Variants in ROBO1 observed in about 807,000 individuals in gnomAD.
The protein encoded by ROBO1 is roundabout homolog 1.
Under a neutral mutation model 195.9 loss-of-function variants are expected in ROBO1, and 149 were observed. The observed-to-expected ratio is 0.76, with a 90% CI of 0.67 to 0.87. The LOEUF (loss-of-function observed/expected upper bound fraction) is 0.87, where lower values mean the gene tolerates loss of function less well. ROBO1 is among the 40% of genes least tolerant of loss of function. The pLI is 0.00. For missense variants in ROBO1, 1,933 were observed against 2,068.3 expected, an observed-to-expected ratio of 0.93 and a Z score of 1.27; for synonymous variants, 816 against 733.2, an observed-to-expected ratio of 1.11 and a Z score of -1.82.
At chr3:79,706,119 T>G (rs920273128) in intron 1 of ROBO1, among the ~76,000 whole-genome samples, 2 of 152,080 alleles carry the variant, frequency 1.3e-5, no homozygotes, top group African/African-American at 4.8e-5. Context: ...TATTTTTTCC[T>G]TCCCAATCAG....
intron 4 of ROBO1, among the ~76,000 whole-genome samples, chr3:78,823,188 G>T (rs1348629805): frequency 6.6e-5 from 3 of 45,690 alleles, no homozygotes; most frequent in Admixed American, 3.8e-4. Context: ...GATTTAAAAT[G>T]ATTTTTTTTT....
At chr3:79,678,824 A>T (rs1157668128) in intron 1 of ROBO1, among the ~76,000 whole-genome samples, 1 of 152,072 alleles carries the variant, frequency 6.6e-6, no homozygotes, top group African/African-American at 2.4e-5. Flanking sequence ...GAGGAATCTT[A>T]AAACTGCTGC....
At chr3:79,698,161 A>G (rs1576247148) in intron 1 of ROBO1, among the ~76,000 whole-genome samples, 1 of 151,612 alleles carries the variant, frequency 6.6e-6, no homozygotes, top group South Asian at 2.1e-4. Context: ...GACTTTGAAG[A>G]CTGATGTGGC....
At chr3:79,553,049 ATTC>A (rs1383929173) in intron 2 of ROBO1, among the ~76,000 whole-genome samples, 2 of 152,026 alleles carry the variant, frequency 1.3e-5, no homozygotes, top group African/African-American at 2.4e-5. Context: ...TAGGTGTGAA[ATTC>A]TTCTTTAGGT....
intron 3 of ROBO1, among the ~76,000 whole-genome samples, chr3:79,090,155 G>A (rs1407728437): frequency 6.6e-6 from 1 of 151,894 alleles, no homozygotes; most frequent in Admixed American, 6.6e-5. Flanking sequence ...GGCCAGGCTG[G>A]TCTCGAACTC....
At chr3:78,684,041 A>AC (rs1004258452) in intron 10 of ROBO1, among the ~76,000 whole-genome samples, 1 of 152,094 alleles carries the variant, frequency 6.6e-6, no homozygotes, top group East Asian at 1.9e-4. Context: ...GGAAAACAAA[A>AC]AGAAATTAGT....
intron 3 of ROBO1, among the ~76,000 whole-genome samples, chr3:78,961,130 T>C (rs886330377): frequency 6.6e-6 from 1 of 152,210 alleles, no homozygotes; most frequent in African/African-American, 2.4e-5. Flanking sequence ...CCACTATACA[T>C]ATACTGGCAA....
intron 2 of ROBO1, among the ~76,000 whole-genome samples, chr3:79,188,299 T>C (rs1417496771): frequency 6.6e-6 from 1 of 151,910 alleles, no homozygotes; most frequent in Non-Finnish European, 1.5e-5. Context: ...GCTTCTTTGA[T>C]TGACTGCATA....
At chr3:79,735,152 C>A (rs527785738) in intron 1 of ROBO1, among the ~76,000 whole-genome samples, 19 of 152,322 alleles carry the variant, frequency 1.2e-4, no homozygotes, top group Admixed American at 5.9e-4. Context: ...GCATTTTTAA[C>A]AAGCTATTTG....
chr3:79,061,679 A>G (rs919849683), intron 3 of ROBO1, among the ~76,000 whole-genome samples: 1 of 151,964 alleles, frequency 6.6e-6, no homozygotes, highest in African/African-American at 2.4e-5. Context: ...CAGAACAGAG[A>G]CCTCAGAAAT....
At chr3:78,906,231 C>A (rs986297265) in intron 4 of ROBO1, among the ~76,000 whole-genome samples, 1 of 152,110 alleles carries the variant, frequency 6.6e-6, no homozygotes, top group African/African-American at 2.4e-5. Flanking sequence ...GTGCCCCAAA[C>A]TCCTCTCTCC....
At chr3:78,604,537 TAA>T (rs1703360142) in intron 29 of ROBO1, among the ~76,000 whole-genome samples, 1 of 152,010 alleles carries the variant, frequency 6.6e-6, no homozygotes, top group South Asian at 2.1e-4. Flanking sequence ...CTGAGAAAAA[TAA>T]GTAAGTTTTT....
At chr3:78,608,572 GAGTAGATACTA>G (rs1703607294) in intron 28 of ROBO1, among the ~76,000 whole-genome samples, 1 of 152,114 alleles carries the variant, frequency 6.6e-6, no homozygotes. Flanking sequence ...AGAAGAATAA[GAGTAGATACTA>G]AGTTTCGGTT....
intron 1 of ROBO1, among the ~76,000 whole-genome samples, chr3:79,607,132 C>CAT (rs1553772849): frequency 3.5e-4 from 53 of 150,198 alleles, no homozygotes; most frequent in African/African-American, 1.2e-3. Flanking sequence ...CACACACACA[C>CAT]ATAGTGGAAC....
intron 2 of ROBO1, among the ~76,000 whole-genome samples, chr3:79,190,190 C>T (rs1219621335): frequency 6.6e-6 from 1 of 151,496 alleles, no homozygotes; most frequent in Non-Finnish European, 1.5e-5. Flanking sequence ...TTCAGAAATG[C>T]ATTCTGATTC....
At chr3:78,993,286 T>C (rs2077279911) in intron 3 of ROBO1, among the ~76,000 whole-genome samples, 1 of 152,160 alleles carries the variant, frequency 6.6e-6, no homozygotes, top group Non-Finnish European at 1.5e-5. Context: ...CACGCATACA[T>C]ACATGCATAC....
chr3:79,084,787 C>T (rs2079337865), intron 3 of ROBO1, among the ~76,000 whole-genome samples: 1 of 151,934 alleles, frequency 6.6e-6, no homozygotes, highest in Non-Finnish European at 1.5e-5. Context: ...TGTTCAGGTC[C>T]CAAGACAGTG....
At chr3:79,660,139 G>A (rs532144992) in intron 1 of ROBO1, among the ~76,000 whole-genome samples, 143 of 151,872 alleles carry the variant, frequency 9.4e-4, no homozygotes, top group African/African-American at 3.4e-3. Flanking sequence ...CTGGGATCCC[G>A]CATGATATTG....
chr3:78,743,826 A>C (rs1304323217), intron 5 of ROBO1, among the ~76,000 whole-genome samples: 1 of 152,066 alleles, frequency 6.6e-6, no homozygotes, highest in Admixed American at 6.6e-5. Flanking sequence ...TTAAACCACT[A>C]GTATTTAATT....
Sources: gnomAD v4.1 joint callset for allele counts (sites outside exome capture counted in the v4.1 genomes callset) on GRCh38, gnomAD v4.1.1 for gene constraint, MANE v1.5 for transcripts, NCBI Gene and HGNC (gene_info 2026-07-23, HGNC 2026-07-21) for gene names.